TAOK3: variants seen among roughly 807,000 people sequenced by gnomAD.
TAOK3 encodes serine/threonine-protein kinase TAO3.
A neutral mutation model predicts 120.4 loss-of-function variants in TAOK3; 40 were observed. That is an observed-to-expected ratio of 0.33 (90% CI 0.26 to 0.43). TAOK3 has a LOEUF of 0.43. TAOK3 is among the 20% of genes least tolerant of loss of function. The pLI, the probability that TAOK3 is intolerant of heterozygous loss-of-function variation, is 1.00. For missense variants in TAOK3, 821 were observed against 1,112.1 expected (o/e 0.74, Z 3.72); for synonymous variants, 355 against 387.5 (o/e 0.92, Z 0.99).
chr12:118,350,400 G>A (rs1413212219), intron 1 of TAOK3, among the ~76,000 whole-genome samples: 1 of 151,772 alleles, frequency 6.6e-6, no homozygotes, highest in Non-Finnish European at 1.5e-5. Context: ...GTAAGAATAT[G>A]TATGTGAATC....
intron 13 of TAOK3, among the ~76,000 whole-genome samples, chr12:118,192,180 A>G (rs1218516739): frequency 6.6e-6 from 1 of 152,218 alleles, no homozygotes; most frequent in East Asian, 1.9e-4. Context: ...AAAAGCCACA[A>G]TGTATTTTCT....
At chr12:118,365,389 C>T (rs1441433584) in intron 1 of TAOK3, among the ~76,000 whole-genome samples, 4 of 151,504 alleles carry the variant, frequency 2.6e-5, no homozygotes, top group East Asian at 1.9e-4. Flanking sequence ...TGCAAACACA[C>T]GCCCAGCTAA....
rs767281550 is a variant in TAOK3 at position 118,255,431 on chromosome 12, CT to C, written c.120+16del. On this transcript the variant is annotated intron_variant, in intron 3 of 20. Transcript: ENST00000392533. ...TTCTTAATCTGATCTATCTAAAAGA[CT>C]CTTTTAAGTACTTACAAAATAAACT... 9 of 1,613,478 alleles carry C rather than the reference CT, an allele frequency of 5.6e-6. No homozygotes were observed. The African/African-American group carries it at 1.1e-4, about 19-fold the overall frequency.
intron 1 of TAOK3, among the ~76,000 whole-genome samples, chr12:118,324,217 A>G (rs1471942632): frequency 6.6e-6 from 1 of 152,242 alleles, no homozygotes; most frequent in African/African-American, 2.4e-5. Flanking sequence ...AAACATCTGT[A>G]TAACTTTAAA....
intron 1 of TAOK3, among the ~76,000 whole-genome samples, chr12:118,287,328 A>C (rs2042302090): frequency 6.6e-6 from 1 of 152,120 alleles, no homozygotes; most frequent in South Asian, 2.1e-4. Flanking sequence ...ATCTCTGCTC[A>C]CTGCAGCCTC....
intron 14 of TAOK3, among the ~76,000 whole-genome samples, chr12:118,186,115 C>T (rs905891700): frequency 2.6e-5 from 4 of 152,186 alleles, no homozygotes; most frequent in Non-Finnish European, 5.9e-5. Context: ...AATGAAGACT[C>T]TCTATGAGCT....
At chr12:118,221,634 C>CTTTTTTT (rs35069196) in intron 9 of TAOK3, among the ~76,000 whole-genome samples, 2 of 126,016 alleles carry the variant, frequency 1.6e-5, no homozygotes, top group East Asian at 2.3e-4. Flanking sequence ...TACATATAAC[C>CTTTTTTT]TTTTTTTTTT....
At position 118,235,619 on chromosome 12, in the gene TAOK3, C is replaced by T. The variant is rs769964779; in HGVS notation, c.490G>A (p.Ala164Thr). The T allele has an allele frequency of 3.1e-6, 5 of 1,613,290 alleles. No individual in the cohort carries two copies. The highest frequency in any genetic ancestry group is 4.2e-6 in the Non-Finnish European group (5 of 1,179,892). The stretch of plus-strand genomic sequence containing the variant: ...GCCATTGAAGCAGATCCAAAATCAG[C>T]TAGTTTTACCTGACCTGGCTCTGTT... ...LLTEPGQVKL[A>T]DFGSASMASP... Residue 164 changes from alanine (A) to threonine (T), a missense_variant, in exon 8 of 21, where the codon GCT becomes ACT. Ala to Thr is a moderately conservative substitution (Grantham distance 58). Coordinates refer to ENST00000392533, the MANE Select transcript of TAOK3 (RefSeq NM_016281.4).
intron 13 of TAOK3, among the ~76,000 whole-genome samples, chr12:118,193,201 C>T (rs1337462702): frequency 6.6e-6 from 1 of 151,848 alleles, no homozygotes; most frequent in Admixed American, 6.6e-5. Context: ...GTGCGTACCA[C>T]CATACCTGGC....
chr12:118,213,521 C>T (rs1156652981), intron 10 of TAOK3, among the ~76,000 whole-genome samples: 2 of 151,988 alleles, frequency 1.3e-5, no homozygotes, highest in African/African-American at 4.8e-5. Context: ...ACTCTTGTGG[C>T]CCAAATAGTT....
At chr12:118,227,836 T>G (rs551359531) in intron 9 of TAOK3, among the ~76,000 whole-genome samples, 4 of 152,186 alleles carry the variant, frequency 2.6e-5, no homozygotes, top group East Asian at 1.9e-4. Context: ...GGTGTCTAAT[T>G]CTAAAACTTA....
At chr12:118,196,285 G>C (rs2037725998) in intron 13 of TAOK3, among the ~76,000 whole-genome samples, 1 of 152,084 alleles carries the variant, frequency 6.6e-6, no homozygotes, top group South Asian at 2.1e-4. Context: ...TGGAAGCAGA[G>C]CAGTTAAGTG....
intron 1 of TAOK3, among the ~76,000 whole-genome samples, chr12:118,269,055 A>G (rs544293347): frequency 6.6e-6 from 1 of 151,744 alleles, no homozygotes; most frequent in Admixed American, 6.6e-5. Flanking sequence ...AAAGAAAAGA[A>G]AGAGAGTTTC....
At chr12:118,290,872 T>A (rs2042445563) in intron 1 of TAOK3, among the ~76,000 whole-genome samples, 1 of 151,868 alleles carries the variant, frequency 6.6e-6, no homozygotes, top group Non-Finnish European at 1.5e-5. Context: ...CCATCATATG[T>A]CAAAAGTATT....
rs72009582 is a variant in TAOK3 at position 118,339,275 on chromosome 12, C to CTTTTTTTT, written c.-194+33365_-194+33372dup. ...TGAAAATTCTCCGTTCTTCATCATACTTTTTTTTTTTTTTTTTTTTTTTTT... is the reference window on the plus strand; with the variant it reads ...TGAAAATTCTCCGTTCTTCATCATACTTTTTTTTTTTTTTTTTTTTTTTTTTTTTTTTT... On this transcript the variant is annotated intron_variant, in intron 1 of 20. Transcript: ENST00000392533. 6.9e-5 allele frequency among the ~76,000 whole-genome samples: 6 copies of CTTTTTTTT among 86,912 alleles called. 1 individual carries two copies. Among genetic ancestry groups the CTTTTTTTT allele is most frequent in the African/African-American group, 2.5e-4 (5 of 20,106 alleles). 57.0% of individuals were successfully genotyped at this position (86,912 alleles called of 152,430 possible).
intron 1 of TAOK3, among the ~76,000 whole-genome samples, chr12:118,269,416 G>C (rs2041607902): frequency 7.3e-6 from 1 of 136,672 alleles, no homozygotes; most frequent in South Asian, 2.3e-4. Flanking sequence ...TGAGACTCAG[G>C]CTGGAGTGCA....
At chr12:118,321,545 G>A (rs1356761873) in intron 1 of TAOK3, among the ~76,000 whole-genome samples, 1 of 152,010 alleles carries the variant, frequency 6.6e-6, no homozygotes, top group East Asian at 1.9e-4. Flanking sequence ...CAGCCACCAC[G>A]CCTGGCTGCA....
At chr12:118,317,945 G>C (rs2043539098) in intron 1 of TAOK3, among the ~76,000 whole-genome samples, 1 of 151,528 alleles carries the variant, frequency 6.6e-6, no homozygotes, top group Non-Finnish European at 1.5e-5. Flanking sequence ...GAATAGAACT[G>C]ACAGCCCAGA....
chr12:118,334,137 CAAAA>C (rs57605394), intron 1 of TAOK3, among the ~76,000 whole-genome samples: 28 of 77,636 alleles, frequency 3.6e-4, no homozygotes, highest in African/African-American at 7.2e-4. Flanking sequence ...CTCCCATCTC[CAAAA>C]AAAAAAAAAA....
Sources: gnomAD v4.1 joint callset for allele counts (sites outside exome capture counted in the v4.1 genomes callset) on GRCh38, gnomAD v4.1.1 for gene constraint, MANE v1.5 for transcripts, NCBI Gene and HGNC (gene_info 2026-07-23, HGNC 2026-07-21) for gene names.